The following RNF216 variants were observed in gnomAD, a reference collection of about 807,000 sequenced individuals.
RNF216 encodes E3 ubiquitin-protein ligase RNF216.
Under a neutral mutation model 110.8 loss-of-function variants are expected in RNF216, and 72 were observed. The ratio of observed to expected loss-of-function variants is 0.65; its 90% CI spans 0.54 to 0.79. The LOEUF is 0.79. Among genes scored for constraint, RNF216 ranks in the 30% least tolerant of loss-of-function variants. The probability of loss-of-function intolerance (pLI) is 0.00; values close to 1 mark genes in which losing one functional copy is unlikely to be tolerated. For missense variants in RNF216, 1,342 were observed against 1,141.2 expected, an observed-to-expected ratio of 1.18 and a Z score of -2.54; for synonymous variants, 495 against 407.5, an observed-to-expected ratio of 1.21 and a Z score of -2.59.
chr7:5,741,893 G>T, intron 3 of RNF216, 78 bp from the exon 4 acceptor site: 1 of 1,458,804 alleles, frequency 6.9e-7, no homozygotes, highest in Admixed American at 2.3e-5. Context: ...TTGAGCTTCC[G>T]AGATAGGACA....
At chr7:5,677,082 C>A (rs1489898523) in intron 13 of RNF216, among the ~76,000 whole-genome samples, 2 of 152,230 alleles carry the variant, frequency 1.3e-5, no homozygotes, top group Non-Finnish European at 2.9e-5. Context: ...CCACATACAT[C>A]TCCCTTGTTT....
At chr7:5,663,416 C>T (rs1265433257) in intron 13 of RNF216, among the ~76,000 whole-genome samples, 1 of 151,744 alleles carries the variant, frequency 6.6e-6, no homozygotes, top group Non-Finnish European at 1.5e-5. Flanking sequence ...CCCGTCTCTA[C>T]TAAAAACACA....
chr7:5,768,411 T>C (rs1796321885), intron 1 of RNF216, among the ~76,000 whole-genome samples: 1 of 83,654 alleles, frequency 1.2e-5, no homozygotes, highest in Admixed American at 1.5e-4. Flanking sequence ...TTGACAGACC[T>C]TAAGGAAGCA....
Position 5,641,238 on chromosome 7 carries a change from T to C in RNF216, c.2298A>G (p.Gly766=). 2 of 1,614,118 alleles carry C rather than the reference T, an allele frequency of 1.2e-6. No homozygotes were observed. The highest frequency in any genetic ancestry group is 1.1e-5 in the South Asian group (1 of 91,084). ...GGGGATGTTGGCAGAAATGGTCATA[T>C]CCATTAATAGAAACTCGACAGAGGT... ...MCYLCRVSIN[G]YDHFCQHPRS... Residue 766 remains glycine (G), a synonymous_variant, in exon 15 of 17, where the codon GGA becomes GGG. Transcript: ENST00000389902.
rs774176143 is a variant in RNF216, at chr7:5,752,902, G to C, written c.145C>G (p.Pro49Ala). The change falls in exon 3 of 17, where the codon CCA becomes GCA. Residue 49 changes from proline to alanine, a missense_variant. Physicochemically the swap from Pro to Ala is conservative, Grantham distance 27. Transcript: ENST00000389902. Reference sequence around the variant, plus strand: ...TCTTCTTCATGCTGCTGAGGAGCTGGGGTGACCAGCATTGGAATCCTTTCC... The same window carrying C: ...TCTTCTTCATGCTGCTGAGGAGCTGCGGTGACCAGCATTGGAATCCTTTCC... Reference protein sequence around the residue: ...DEERIPMLVTPAPQQHEEEDL... With the variant: ...DEERIPMLVTAAPQQHEEEDL... The C allele has an allele frequency of 6.2e-7, 1 of 1,612,210 alleles. No homozygotes were observed. Among genetic ancestry groups the C allele is most frequent in the Non-Finnish European group, 8.5e-7 (1 of 1,179,262 alleles).
At chr7:5,764,749 T>C (rs757084338) in intron 1 of RNF216, among the ~76,000 whole-genome samples, 2 of 152,162 alleles carry the variant, frequency 1.3e-5, no homozygotes, top group Non-Finnish European at 2.9e-5. Flanking sequence ...TCAAATTCTA[T>C]GATCCCTTAA....
intron 13 of RNF216, among the ~76,000 whole-genome samples, chr7:5,675,908 T>G (rs759355409): frequency 1.2e-4 from 18 of 151,882 alleles, no homozygotes; most frequent in Non-Finnish European, 1.5e-4. Context: ...GGGGTTTCTC[T>G]ATGTTGGTCA....
chr7:5,700,233 C>T (rs529580452), intron 13 of RNF216, among the ~76,000 whole-genome samples: 1 of 152,284 alleles, frequency 6.6e-6, no homozygotes, highest in African/African-American at 2.4e-5. Flanking sequence ...CTTTCCACCT[C>T]AGCACACACC....
chr7:5,762,156 A>G (rs1294959745), intron 1 of RNF216, among the ~76,000 whole-genome samples: 6 of 152,240 alleles, frequency 3.9e-5, no homozygotes, highest in Non-Finnish European at 7.3e-5. Flanking sequence ...AACTAATGTT[A>G]AATGAAAATA....
chr7:5,781,648 C>T lies in RNF216; in HGVS notation c.-177G>A, dbSNP rs900365517. The T allele has an allele frequency of 2.6e-5, 4 of 152,384 alleles. No individual in the cohort carries two copies. Among genetic ancestry groups the T allele is most frequent in the African/African-American group, 7.2e-5 (3 of 41,476 alleles). The allele number at this position is 152,384 out of a possible 1,614,324, so 9.4% of individuals were successfully genotyped here. A position where few individuals can be genotyped will look rare whatever the true frequency, so the allele number is the denominator to read the frequency against. On this transcript the variant is annotated 5_prime_UTR_variant, in exon 1 of 17. Coordinates refer to ENST00000389902, the MANE Select transcript of RNF216 (RefSeq NM_207111.4). The stretch of plus-strand genomic sequence containing the variant: ...GAGCTCCGTGGCAGCCGCTGCACTC[C>T]TTCCGGCCCTGCCGCGGCGTCACCT...
In RNF216 at chr7:5,752,826, T is replaced by G; in HGVS notation, c.201+20A>C. On this transcript the variant is annotated intron_variant, in intron 3 of 16. Transcript: ENST00000389902. ...ACCAACTTGCAATAATGTCTCATTGTAAGTTTAAAGAAAACTCACTTCTGT... is the reference window on the plus strand; with the variant it reads ...ACCAACTTGCAATAATGTCTCATTGGAAGTTTAAAGAAAACTCACTTCTGT... 1 of 1,606,798 alleles carries G rather than the reference T, an allele frequency of 6.2e-7. No individual in the cohort carries two copies. Among genetic ancestry groups the G allele is most frequent in the Non-Finnish European group, 8.5e-7 (1 of 1,177,320 alleles).
rs546453674 is a variant in RNF216 at position 5,629,750 on chromosome 7, C to G, written c.2383-5625G>C. Among the ~76,000 whole-genome samples, 12 of 140,126 alleles carry G rather than the reference C, an allele frequency of 8.6e-5. No individual in the cohort carries two copies. The South Asian group carries it at 2.6e-3, about 30-fold the overall frequency. The allele number at this position is 140,126 out of a possible 152,430, so 91.9% of individuals were successfully genotyped here. On this transcript the variant is annotated intron_variant, in intron 15 of 16. Transcript: ENST00000389902. ...GCTGAGGCAGGAGAATCACTTGAAT[C>G]TGGGAGGCAGAGGCTGCAGTTAGCC...
chr7:5,716,365 C>G (rs959226337), intron 10 of RNF216, among the ~76,000 whole-genome samples: 22 of 152,050 alleles, frequency 1.4e-4, no homozygotes, highest in African/African-American at 5.3e-4. Context: ...CAAAAATTAG[C>G]TGGGCATTTT....
intron 15 of RNF216, among the ~76,000 whole-genome samples, chr7:5,634,247 T>TC (rs973267495): frequency 1.4e-5 from 2 of 143,720 alleles, no homozygotes; most frequent in African/African-American, 5.0e-5. Context: ...GCACTTTTCC[T>TC]CCCCTTAGAA....
At chr7:5,678,959 A>G (rs1227976005) in intron 13 of RNF216, among the ~76,000 whole-genome samples, 2 of 152,252 alleles carry the variant, frequency 1.3e-5, no homozygotes, top group African/African-American at 4.8e-5. Flanking sequence ...CACAGGGACT[A>G]GAAATGGCCT....
chr7:5,672,480 G>C (rs978359207), intron 13 of RNF216, among the ~76,000 whole-genome samples: 2 of 152,190 alleles, frequency 1.3e-5, no homozygotes, highest in Non-Finnish European at 2.9e-5. Flanking sequence ...AGTGCTTGTA[G>C]CATCAAGACA....
chr7:5,700,938 C>T (rs192122604), intron 13 of RNF216, among the ~76,000 whole-genome samples: 7 of 152,278 alleles, frequency 4.6e-5, no homozygotes, highest in African/African-American at 1.4e-4. Flanking sequence ...TCTAGTATAG[C>T]GTATCGCCGT....
intron 13 of RNF216, among the ~76,000 whole-genome samples, chr7:5,697,085 C>CA (rs3839709): frequency 0.4 from 61,364 of 152,054 alleles, 14,319 homozygotes; most frequent in East Asian, 0.76. Context: ...TATTTATCTT[C>CA]AAAGTCCTGC....
intron 15 of RNF216, among the ~76,000 whole-genome samples, chr7:5,632,510 C>T (rs1450360382): frequency 6.6e-6 from 1 of 152,210 alleles, no homozygotes; most frequent in East Asian, 1.9e-4. Flanking sequence ...CTCAAAAGAA[C>T]AAGCGTAATG....
Sources: gnomAD v4.1 joint callset for allele counts (sites outside exome capture counted in the v4.1 genomes callset) on GRCh38, gnomAD v4.1.1 for gene constraint, MANE v1.5 for transcripts, NCBI Gene and HGNC (gene_info 2026-07-23, HGNC 2026-07-21) for gene names.